ATXN7: variants seen among roughly 807,000 people sequenced by gnomAD.
ATXN7 encodes the protein ataxin 7, also known as ataxin-7.
Under a neutral mutation model 70.5 loss-of-function variants are expected in ATXN7, and 12 were observed. That is an observed-to-expected ratio of 0.17 (90% CI 0.11 to 0.28). ATXN7 has a LOEUF of 0.28. ATXN7 is among the 10% of genes least tolerant of loss of function. The probability of loss-of-function intolerance (pLI) is 1.00; values close to 1 mark genes in which losing one functional copy is unlikely to be tolerated. For missense variants in ATXN7, 1,256 were observed against 1,131.7 expected (o/e 1.11, Z -1.58); for synonymous variants, 498 against 448.7 (o/e 1.11, Z -1.39).
chr3:63,876,664 G>A (rs145657705), intron 1 of ATXN7, among the ~76,000 whole-genome samples: 87 of 152,222 alleles, frequency 5.7e-4, no homozygotes, highest in African/African-American at 2.0e-3. Flanking sequence ...AATAAACAGC[G>A]GTCCTGATCT....
chr3:63,924,316 G>A (rs1039927545), intron 4 of ATXN7, among the ~76,000 whole-genome samples: 2 of 152,184 alleles, frequency 1.3e-5, no homozygotes, highest in African/African-American at 4.8e-5. Flanking sequence ...ATGTGCGGCT[G>A]TGGTGTCAGC....
rs778772939 is a variant in ATXN7 at position 63,996,050 on chromosome 3, G to C, written c.2228G>C (p.Gly743Ala). Residue 743 changes from glycine to alanine, a missense_variant, in exon 12 of 13, where the codon GGG becomes GCG. Gly to Ala is a moderately conservative substitution (Grantham distance 60). Transcript: ENST00000674280. ...SFRKNCVAHS[G>A]PPYPSTVTSS... ...AGGAAAAACTGTGTGGCTCACTCTG[G>C]GCCTCCCTACCCCTCAACGGTAACA... 1.2e-6 allele frequency: 2 copies of C among 1,613,988 alleles called. No homozygotes were observed. The highest frequency in any genetic ancestry group is 1.7e-6 in the Non-Finnish European group (2 of 1,180,012).
intron 5 of ATXN7, among the ~76,000 whole-genome samples, chr3:63,959,352 T>TG (rs563536860): frequency 1.2e-3 from 188 of 152,316 alleles, no homozygotes; most frequent in African/African-American, 4.4e-3. Context: ...AGTCGGGGGA[T>TG]GAGCCAGGGA....
chr3:63,957,702 G>A (rs574603878), intron 5 of ATXN7, among the ~76,000 whole-genome samples: 1 of 152,310 alleles, frequency 6.6e-6, no homozygotes, highest in East Asian at 1.9e-4. Flanking sequence ...ACACAGTAGT[G>A]TGATATTATC....
chr3:63,924,963 T>A (rs1283444665), intron 4 of ATXN7, among the ~76,000 whole-genome samples: 1 of 152,164 alleles, frequency 6.6e-6, no homozygotes, highest in Non-Finnish European at 1.5e-5. Flanking sequence ...GGATAATTGG[T>A]CACATGTGAA....
chr3:63,912,640 C>A lies in ATXN7; in HGVS notation c.42C>A (p.Arg14=), dbSNP rs576125874. The change falls in exon 3 of 13, where the codon CGC becomes CGA. Residue 14 remains arginine (R), a synonymous_variant. Transcript: ENST00000674280. ...CGGATGACGTCAGGGGGGAGCCGCGCCGCGCGGCGGCGGCGGCGGGCGGAG... is the reference window on the plus strand; with the variant it reads ...CGGATGACGTCAGGGGGGAGCCGCGACGCGCGGCGGCGGCGGCGGGCGGAG... ...RAADDVRGEP[R]RAAAAAGGAA... is the part of the protein sequence containing the mutation. The A allele has an allele frequency of 6.4e-5, 67 of 1,049,208 alleles. No homozygotes were observed. The African/African-American group carries it at 1.1e-3, about 17-fold the overall frequency. The allele number at this position is 1,049,208 out of a possible 1,614,324, so 65.0% of individuals were successfully genotyped here. A position where few individuals can be genotyped will look rare whatever the true frequency, so the allele number is the denominator to read the frequency against.
At chr3:63,977,285 A>T (rs1209504721) in intron 5 of ATXN7, among the ~76,000 whole-genome samples, 1 of 152,276 alleles carries the variant, frequency 6.6e-6, no homozygotes, top group Non-Finnish European at 1.5e-5. Context: ...CATTCTCAAA[A>T]CAAGCTTCAT....
At chr3:63,953,236 G>C (rs2074985863) in intron 5 of ATXN7, among the ~76,000 whole-genome samples, 1 of 152,160 alleles carries the variant, frequency 6.6e-6, no homozygotes. Context: ...TCTATAGATA[G>C]AGTGTTTAAA....
intron 11 of ATXN7, chr3:63,991,060 C>G (rs1462959468): frequency 1.4e-6 from 1 of 705,828 alleles, no homozygotes; most frequent in Admixed American, 2.9e-5. Context: ...TGCTGGCATT[C>G]AAAGCAGAAG....
chr3:63,998,008 C>G, intron 12 of ATXN7: 1 of 985,380 alleles, frequency 1.0e-6, no homozygotes, highest in Non-Finnish European at 1.2e-6. Flanking sequence ...ATAAGCATAA[C>G]AGTCCAATAT....
At chr3:63,979,803 C>G in intron 5 of ATXN7, 112 bp from the exon 6 acceptor site, 1 of 1,457,362 alleles carries the variant, frequency 6.9e-7, no homozygotes. Flanking sequence ...CATACCTTCA[C>G]TTAACGACAC....
intron 4 of ATXN7, among the ~76,000 whole-genome samples, chr3:63,934,830 G>C (rs955156270): frequency 7.9e-5 from 12 of 152,156 alleles, no homozygotes; most frequent in Non-Finnish European, 1.5e-4. Flanking sequence ...TCTCAACACT[G>C]TTGACATTTG....
intron 1 of ATXN7, among the ~76,000 whole-genome samples, chr3:63,890,624 T>C (rs1458187866): frequency 6.9e-6 from 1 of 145,388 alleles, no homozygotes; most frequent in Non-Finnish European, 1.5e-5. Flanking sequence ...TATAAAAGAC[T>C]TAATATAATG....
At chr3:63,945,373 T>G (rs911481242) in intron 4 of ATXN7, among the ~76,000 whole-genome samples, 1 of 152,214 alleles carries the variant, frequency 6.6e-6, no homozygotes, top group Non-Finnish European at 1.5e-5. Context: ...TTTGTCAACA[T>G]GCAGATTTGA....
intron 5 of ATXN7, among the ~76,000 whole-genome samples, chr3:63,966,045 C>T (rs983905820): frequency 4.6e-5 from 7 of 152,140 alleles, no homozygotes; most frequent in South Asian, 2.1e-4. Flanking sequence ...GGTTGCAGAA[C>T]GACTTGATTC....
At chr3:63,876,706 C>G (rs1403778175) in intron 1 of ATXN7, among the ~76,000 whole-genome samples, 5 of 152,106 alleles carry the variant, frequency 3.3e-5, no homozygotes, top group African/African-American at 1.2e-4. Flanking sequence ...TGTGTCTGTG[C>G]TTTTAGCTAA....
intron 2 of ATXN7, among the ~76,000 whole-genome samples, chr3:63,910,112 C>A (rs1703961474): frequency 1.3e-5 from 2 of 152,078 alleles, no homozygotes; most frequent in African/African-American, 4.8e-5. Context: ...AGGTATCAAG[C>A]AGGAATTGGG....
In ATXN7 at chr3:63,995,957, C is replaced by T. The variant is rs748847777; in HGVS notation, c.2135C>T (p.Pro712Leu). Residue 712 changes from proline to leucine, a missense_variant, in exon 12 of 13, where the codon CCA becomes CTA. By Grantham distance (98) the Pro-to-Leu change is moderately conservative. Transcript: ENST00000674280. Reference sequence around the variant, plus strand: ...GGAAAGAAACGCAAAAACAGTTCCCCACTGTTGGTTCACTCTTCCTCCTCC... The same window carrying T: ...GGAAAGAAACGCAAAAACAGTTCCCTACTGTTGGTTCACTCTTCCTCCTCC... ...GSGKKRKNSS[P>L]LLVHSSSSSS... The T allele has an allele frequency of 3.7e-5, 60 of 1,613,996 alleles. No individual in the cohort carries two copies. The highest frequency in any genetic ancestry group is 4.7e-5 in the Non-Finnish European group (55 of 1,179,962).
intron 1 of ATXN7, among the ~76,000 whole-genome samples, chr3:63,894,622 T>C (rs1297743532): frequency 6.6e-6 from 1 of 152,158 alleles, no homozygotes; most frequent in Admixed American, 6.5e-5. Flanking sequence ...CTTCCCAGGC[T>C]CAAGTGATCC....
Sources: gnomAD v4.1 joint callset for allele counts (sites outside exome capture counted in the v4.1 genomes callset) on GRCh38, gnomAD v4.1.1 for gene constraint, MANE v1.5 for transcripts, NCBI Gene and HGNC (gene_info 2026-07-23, HGNC 2026-07-21) for gene names.